The following BACH2 variants were observed in gnomAD, a reference collection of about 807,000 sequenced individuals.
BACH2 encodes the protein BACH transcriptional regulator 2, also known as transcription regulator protein BACH2.
BACH2 carries 5 observed loss-of-function variants against 61.8 expected under a neutral mutation model. The observed-to-expected ratio is 0.08, with a 90% confidence interval of 0.04 to 0.17. The LOEUF (loss-of-function observed/expected upper bound fraction) is 0.17. Among genes scored for constraint, BACH2 ranks in the 10% least tolerant of loss-of-function variants. BACH2 has a pLI of 1.00. For synonymous variants in BACH2, 446 were observed against 440.1 expected (o/e 1.01, Z -0.17); for missense variants, 824 against 1,091.1 (o/e 0.76, Z 3.45).
In BACH2 at chr6:89,972,317, A is replaced by G. The variant is rs552585652; in HGVS notation, c.244-20455T>C. Among the ~76,000 whole-genome samples the G allele has an allele frequency of 3.3e-5, 5 of 152,306 alleles. No homozygotes were observed. The South Asian group carries it at 6.2e-4, about 19-fold the overall frequency. On this transcript the variant is annotated intron_variant, in intron 6 of 8. Transcript: ENST00000257749. ...AGTCACAGAAGTCCAGGCAAGCACC[A>G]CTGTGGCCGGGATACAGGCAGTGGT...
intron 5 of BACH2, among the ~76,000 whole-genome samples, chr6:90,028,531 C>T (rs1778760476): frequency 1.3e-5 from 2 of 152,332 alleles, no homozygotes; most frequent in African/African-American, 2.4e-5. Flanking sequence ...GGTGACAGGT[C>T]AGGCTCTGGG....
rs773382932 is a variant in BACH2, at chr6:89,950,170, A to G, written c.1836+100T>C. The G allele has an allele frequency of 1.5e-6, 2 of 1,363,210 alleles. No homozygotes were observed. Among genetic ancestry groups the G allele is most frequent in the South Asian group, 1.2e-5 (1 of 84,916 alleles). The allele number at this position is 1,363,210 out of a possible 1,614,324, so 84.4% of individuals were successfully genotyped here. The stretch of plus-strand genomic sequence containing the variant: ...TCTCTCTACTGTCATCTTTAATCTT[A>G]GCACGTAAGAACAATGTGGGAGTGG... On this transcript the variant is annotated intron_variant, in intron 7 of 8. Coordinates refer to ENST00000257749, the MANE Select transcript of BACH2 (RefSeq NM_021813.4). This position sits in a 1 kb window ranked among gnomAD's most constrained non-coding sequence, Gnocchi z 5.3.
Position 89,930,706 on chromosome 6 carries a change from G to C in BACH2, c.*1702C>G, listed in dbSNP as rs1772595917. On this transcript the variant is annotated 3_prime_UTR_variant, in exon 9 of 9. Transcript: ENST00000257749. ...AAGCCAACCAGTTTTGCAGCAAGAAGAGAAAATTATCATCAGGTGAGGGTA... is the reference window on the plus strand; with the variant it reads ...AAGCCAACCAGTTTTGCAGCAAGAACAGAAAATTATCATCAGGTGAGGGTA... The C allele has an allele frequency of 6.5e-6, 1 of 152,798 alleles. No individual in the cohort carries two copies. The highest frequency in any genetic ancestry group is 2.4e-5 in the African/African-American group (1 of 41,460). 9.5% of individuals were successfully genotyped at this position (152,798 alleles called of 1,614,324 possible). A position where few individuals can be genotyped will look rare whatever the true frequency, so the allele number is the denominator to read the frequency against.
intron 5 of BACH2, among the ~76,000 whole-genome samples, chr6:90,056,746 G>A (rs537868563): frequency 1.7e-4 from 26 of 152,046 alleles, no homozygotes; most frequent in East Asian, 9.7e-4. Flanking sequence ...AGCAAATGTA[G>A]AAGAACAGAA....
intron 4 of BACH2, among the ~76,000 whole-genome samples, chr6:90,172,555 C>T (rs2127837798): frequency 6.6e-6 from 1 of 150,884 alleles, no homozygotes; most frequent in South Asian, 2.1e-4. Flanking sequence ...CTGTAGAAGA[C>T]CATCATAAAA....
intron 4 of BACH2, among the ~76,000 whole-genome samples, chr6:90,110,362 C>T (rs754604985): frequency 8.5e-5 from 13 of 152,126 alleles, no homozygotes; most frequent in Non-Finnish European, 1.2e-4. Flanking sequence ...GTCTATCTTG[C>T]GCTTTGAATG....
intron 4 of BACH2, among the ~76,000 whole-genome samples, chr6:90,146,053 A>G (rs1337890773): frequency 6.6e-6 from 1 of 152,276 alleles, no homozygotes; most frequent in Non-Finnish European, 1.5e-5. Context: ...TTCTATGTAT[A>G]GACTTATGTG....
intron 3 of BACH2, among the ~76,000 whole-genome samples, chr6:90,227,230 T>G (rs1286020695): frequency 6.6e-6 from 1 of 152,172 alleles, no homozygotes; most frequent in Non-Finnish European, 1.5e-5. Context: ...TTAATACACA[T>G]AAAGTGTTTG....
At chr6:90,046,307 C>T (rs1289635712) in intron 5 of BACH2, among the ~76,000 whole-genome samples, 1 of 152,198 alleles carries the variant, frequency 6.6e-6, no homozygotes, top group South Asian at 2.1e-4. Flanking sequence ...TTGCTAAGTG[C>T]TGGGTCACAA....
chr6:90,208,438 A>C (rs1769225751), intron 3 of BACH2, among the ~76,000 whole-genome samples: 1 of 152,262 alleles, frequency 6.6e-6, no homozygotes, highest in South Asian at 2.1e-4. Context: ...TGCAGCCAAC[A>C]AACTTATGAA....
At position 90,008,141 on chromosome 6, in the gene BACH2, CTT is replaced by C. The variant is rs1430400954; in HGVS notation, c.243+459_243+460del. On this transcript the variant is annotated intron_variant, in intron 6 of 8. Coordinates refer to ENST00000257749, the MANE Select transcript of BACH2 (RefSeq NM_021813.4). The surrounding 1 kb of genome is among the most constrained non-coding windows in gnomAD (Gnocchi z 4.1). The stretch of plus-strand genomic sequence containing the variant: ...AAAGCAAGTTTACACTTCTTAGAAT[CTT>C]ACTGAATTAATGGTGAAAATTACTA... 13 of 174,768 alleles carry C rather than the reference CTT, an allele frequency of 7.4e-5. No homozygotes were observed. The highest frequency in any genetic ancestry group is 2.9e-4 in the African/African-American group (12 of 41,826). The allele number at this position is 174,768 out of a possible 1,614,324, so 10.8% of individuals were successfully genotyped here.
intron 5 of BACH2, among the ~76,000 whole-genome samples, chr6:90,078,064 C>T (rs1582320694): frequency 6.6e-6 from 1 of 152,084 alleles, no homozygotes; most frequent in Admixed American, 6.6e-5. Flanking sequence ...ATAAAAGCAA[C>T]AGCAATTGTT....
At chr6:90,224,574 T>C (rs558214606) in intron 3 of BACH2, among the ~76,000 whole-genome samples, 3 of 152,260 alleles carry the variant, frequency 2.0e-5, no homozygotes, top group Non-Finnish European at 4.4e-5. Context: ...TCCAATTCAA[T>C]GTGCTGGTGG....
chr6:89,985,140 G>A (rs1196220408), intron 6 of BACH2, among the ~76,000 whole-genome samples: 1 of 152,190 alleles, frequency 6.6e-6, no homozygotes, highest in East Asian at 1.9e-4. Flanking sequence ...TTGGAGACAC[G>A]AAGCATTAAT....
At chr6:90,211,204 G>C (rs891572578) in intron 3 of BACH2, among the ~76,000 whole-genome samples, 2 of 147,864 alleles carry the variant, frequency 1.4e-5, no homozygotes, top group Non-Finnish European at 3.0e-5. Flanking sequence ...AAAGATGAAA[G>C]ATATAAAGAA....
At chr6:90,056,975 G>C (rs1780391704) in intron 5 of BACH2, among the ~76,000 whole-genome samples, 1 of 152,134 alleles carries the variant, frequency 6.6e-6, no homozygotes, top group Non-Finnish European at 1.5e-5. Flanking sequence ...TCAAAGCAGT[G>C]TGTAGAGGGA....
At chr6:90,203,668 C>T (rs1343082222) in intron 4 of BACH2, among the ~76,000 whole-genome samples, 1 of 152,146 alleles carries the variant, frequency 6.6e-6, no homozygotes, top group East Asian at 1.9e-4. Flanking sequence ...AAATATGAGG[C>T]TGTCTACTCT....
At chr6:90,148,818 A>G (rs1784711339) in intron 4 of BACH2, among the ~76,000 whole-genome samples, 1 of 152,174 alleles carries the variant, frequency 6.6e-6, no homozygotes, top group African/African-American at 2.4e-5. Context: ...TTATAAAAAC[A>G]TGTTGTTTTT....
intron 4 of BACH2, among the ~76,000 whole-genome samples, chr6:90,162,664 AAAC>A (rs1201437818): frequency 1.3e-5 from 2 of 152,102 alleles, no homozygotes; most frequent in African/African-American, 2.4e-5. Context: ...AATAAAATAA[AAAC>A]AAAAAATTCA....
Sources: allele counts gnomAD v4.1 joint callset (sites outside exome capture counted in the v4.1 genomes callset), GRCh38; gene constraint gnomAD v4.1.1; non-coding constraint Gnocchi (gnomAD v3.1); transcripts MANE v1.5; gene names NCBI Gene and HGNC (gene_info 2026-07-23, HGNC 2026-07-21).